Variants in PSAP observed in about 807,000 individuals in gnomAD.
PSAP encodes the protein prosaposin.
A neutral mutation model predicts 66.0 loss-of-function variants in PSAP; 25 were observed. The observed-to-expected ratio is 0.38, with a 90% CI of 0.28 to 0.53. The LOEUF (loss-of-function observed/expected upper bound fraction) is 0.53, where lower values mean the gene tolerates loss of function less well. Among genes scored for constraint, PSAP ranks in the 20% least tolerant of loss-of-function variants. PSAP has a pLI of 0.83. For missense variants in PSAP, 649 were observed against 668.8 expected (o/e 0.97, Z 0.33); for synonymous variants, 273 against 258.9 (o/e 1.05, Z -0.52).
In PSAP at chr10:71,821,748, C is replaced by T. The variant is rs1026685973; in HGVS notation, c.909+128G>A. ...GATAGGATAAACCAGTGATCACAAA[C>T]TCAAAGACCTTTAGGAGCCAGGCAG... On this transcript the variant is annotated intron_variant, in intron 8 of 13. Coordinates refer to ENST00000394936, the MANE Select transcript of PSAP (RefSeq NM_002778.4). 3.8e-6 allele frequency: 5 copies of T among 1,310,876 alleles called. No homozygotes were observed. In the African/African-American group the frequency reaches 5.8e-5, roughly 15 times the overall value. The allele number at this position is 1,310,876 out of a possible 1,614,324, so 81.2% of individuals were successfully genotyped here. A position where few individuals can be genotyped will look rare whatever the true frequency, so the allele number is the denominator to read the frequency against.
At chr10:71,841,077 C>G (rs1334593785) in intron 1 of PSAP, among the ~76,000 whole-genome samples, 1 of 152,222 alleles carries the variant, frequency 6.6e-6, no homozygotes, top group Non-Finnish European at 1.5e-5. Context: ...TAGCCCTTGG[C>G]AGGACTATCC....
intron 1 of PSAP, among the ~76,000 whole-genome samples, chr10:71,849,474 G>A (rs2133072635): frequency 6.6e-6 from 1 of 152,146 alleles, no homozygotes; most frequent in African/African-American, 2.4e-5. Context: ...GGTGTCTCAC[G>A]CCTGTAATCC....
intron 4 of PSAP, among the ~76,000 whole-genome samples, chr10:71,830,584 C>T (rs1842492703): frequency 6.6e-6 from 1 of 152,240 alleles, no homozygotes; most frequent in Non-Finnish European, 1.5e-5. Flanking sequence ...TTGGGAAAGT[C>T]CTGCCCCACT....
chr10:71,818,704 C>G lies in PSAP; in HGVS notation c.1452G>C (p.Ser484=). ...CAGTTCCCAACAAGGGCTTATGGGC[C>G]GAGGGGCAGGCTCCAATTTTCTATA... The part of the protein sequence containing the change: ...FVCLKIGACP[S]AHKPLLGTEK... Residue 484 remains serine (S), a synonymous_variant, in exon 13 of 14, where the codon TCG becomes TCC. Coordinates refer to ENST00000394936, the MANE Select transcript of PSAP (RefSeq NM_002778.4). The G allele has an allele frequency of 1.2e-6, 2 of 1,613,902 alleles. No homozygotes were observed. The highest frequency in any genetic ancestry group is 1.7e-6 in the Non-Finnish European group (2 of 1,179,962).
Position 71,846,319 on chromosome 10 carries a change from A to AT in PSAP, c.40+4862dup, listed in dbSNP as rs1731807753. Among the ~76,000 whole-genome samples the AT allele has an allele frequency of 3.3e-5, 5 of 150,552 alleles. No homozygotes were observed. In the South Asian group the frequency reaches 1.1e-3, roughly 32 times the overall value. ...ACAAAATTACAAATGCCACAAAGTT[A>AT]TTTTTTTGGAACTTCATGTAATAAA... On this transcript the variant is annotated intron_variant, in intron 1 of 13. Coordinates refer to ENST00000394936, the MANE Select transcript of PSAP (RefSeq NM_002778.4).
chr10:71,820,421 G>C, intron 8 of PSAP, 86 bp from the exon 9 acceptor site: 3 of 1,132,356 alleles, frequency 2.6e-6, no homozygotes, highest in Non-Finnish European at 4.0e-6. Context: ...GGGACACAGA[G>C]ACCAGGGTGG....
At chr10:71,848,291 T>TA (rs1437239439) in intron 1 of PSAP, among the ~76,000 whole-genome samples, 1 of 152,188 alleles carries the variant, frequency 6.6e-6, no homozygotes, top group Non-Finnish European at 1.5e-5. Flanking sequence ...GTTGTCTACT[T>TA]AATCGTCCAC....
rs1248063127 is a variant in PSAP, at chr10:71,816,887, AATCC to A, written c.*550_*553del. 1.6e-5 allele frequency: 3 copies of A among 192,330 alleles called. No homozygotes were observed. The highest frequency in any genetic ancestry group is 3.3e-5 in the Non-Finnish European group (3 of 89,902). 11.9% of individuals were successfully genotyped at this position (192,330 alleles called of 1,614,324 possible). ...CCAAGCCACCAGCAGCTGCTTCCAA[AATCC>A]CTATGCTATTACAGTGGGAATTACA... On this transcript the variant is annotated 3_prime_UTR_variant, in exon 14 of 14. Transcript: ENST00000394936.
chr10:71,818,813 G>A lies in PSAP; in HGVS notation c.1432-89C>T, dbSNP rs1842231454. 8 of 1,218,232 alleles carry A rather than the reference G, an allele frequency of 6.6e-6. No individual in the cohort carries two copies. In the Admixed American group the frequency reaches 8.5e-5, roughly 13 times the overall value. 75.5% of individuals were successfully genotyped at this position (1,218,232 alleles called of 1,614,324 possible). Reference sequence around the variant, plus strand: ...AAAACTAAGAAAACAGTTTCCAGAAGGAGCTAGGATCACAGCTCCACCACG... The same window carrying A: ...AAAACTAAGAAAACAGTTTCCAGAAAGAGCTAGGATCACAGCTCCACCACG... On this transcript the variant is annotated intron_variant, in intron 12 of 13. Coordinates refer to ENST00000394936, the MANE Select transcript of PSAP (RefSeq NM_002778.4).
At position 71,816,584 on chromosome 10, in the gene PSAP, G is replaced by T. The variant is rs1413823615; in HGVS notation, c.*857C>A. 4.7e-6 allele frequency: 2 copies of T among 424,230 alleles called. No individual in the cohort carries two copies. Among genetic ancestry groups the T allele is most frequent in the Non-Finnish European group, 1.0e-5 (2 of 198,638 alleles). 26.3% of individuals were successfully genotyped at this position (424,230 alleles called of 1,614,324 possible). ...TATTTATTTGAAAAGGTCAAAAGGA[G>T]CATCTATGAGACAAGGGAGGGGTGC... On this transcript the variant is annotated 3_prime_UTR_variant, in exon 14 of 14. Transcript: ENST00000394936.
intron 11 of PSAP, 35 bp from the exon 12 acceptor site, chr10:71,819,146 G>A (rs200151319): frequency 2.3e-5 from 36 of 1,577,408 alleles, no homozygotes; most frequent in Non-Finnish European, 3.1e-5. Context: ...GTCCAGCTCT[G>A]GGGGTGTCCG....
rs1043597238 is a variant in PSAP at position 71,837,353 on chromosome 10, G to A, written c.41-2848C>T. 4.6e-5 allele frequency among the ~76,000 whole-genome samples: 7 copies of A among 152,354 alleles called. No individual in the cohort carries two copies. In the South Asian group the frequency reaches 1.4e-3, roughly 32 times the overall value. ...CTGGGGAGCTCCCAGCCGCCAAGAGGTGCAAAGCCCACTCCCAGAGCAGAT... is the reference window on the plus strand; with the variant it reads ...CTGGGGAGCTCCCAGCCGCCAAGAGATGCAAAGCCCACTCCCAGAGCAGAT... On this transcript the variant is annotated intron_variant, in intron 1 of 13. Transcript: ENST00000394936.
At chr10:71,828,701 T>A (rs906677412) in intron 5 of PSAP, among the ~76,000 whole-genome samples, 176 bp downstream of exon 5, 4 of 152,158 alleles carry the variant, frequency 2.6e-5, no homozygotes, top group Admixed American at 6.5e-5. Context: ...ATTTTAAATA[T>A]CCCATTCTTT....
At chr10:71,837,306 G>GGGCA (rs1842644114) in intron 1 of PSAP, among the ~76,000 whole-genome samples, 1 of 152,224 alleles carries the variant, frequency 6.6e-6, no homozygotes, top group Non-Finnish European at 1.5e-5. Context: ...CGTGTCCTCA[G>GGGCA]GGCAGGCACC....
intron 7 of PSAP, among the ~76,000 whole-genome samples, chr10:71,822,958 T>C (rs995086808): frequency 1.1e-4 from 16 of 146,628 alleles, no homozygotes; most frequent in Non-Finnish European, 2.4e-4. Flanking sequence ...GAAAAATAAA[T>C]AAATAAATAA....
Position 71,828,969 on chromosome 10 carries a change from G to A in PSAP, c.484C>T (p.Leu162=). The A allele has an allele frequency of 6.2e-7, 1 of 1,614,206 alleles. No individual in the cohort carries two copies. The highest frequency in any genetic ancestry group is 2.2e-5 in the East Asian group (1 of 44,872). Residue 162 remains leucine (L), a synonymous_variant, in exon 5 of 14, where the codon CTG becomes TTG. Coordinates refer to ENST00000394936, the MANE Select transcript of PSAP (RefSeq NM_002778.4). Reference sequence around the variant, plus strand: ...GGGGCCACCACCTCAGTCATGTCCAGCTCTGGGATCTTATTGGACTCCAGC... The same window carrying A: ...GGGGCCACCACCTCAGTCATGTCCAACTCTGGGATCTTATTGGACTCCAGC... ...KQLESNKIPE[L]DMTEVVAPFM...
At chr10:71,825,736 T>TA in intron 7 of PSAP, 101 bp downstream of exon 7, 1 of 1,160,974 alleles carries the variant, frequency 8.6e-7, no homozygotes, top group South Asian at 1.3e-5. Context: ...CACTCTAAGG[T>TA]AAAAAAGGGA....
At chr10:71,840,722 G>A (rs904753574) in intron 1 of PSAP, among the ~76,000 whole-genome samples, 1 of 152,174 alleles carries the variant, frequency 6.6e-6, no homozygotes, top group Admixed American at 6.5e-5. Flanking sequence ...TTTCTTCCCT[G>A]CTTCTCCTCT....
In PSAP at chr10:71,851,216, G is replaced by T; in HGVS notation, c.6C>A (p.Tyr2Ter). The part of the protein sequence containing the change: M[Y>*]ALFLLASLLG... ...GGAGGCTGGCCAGGAGGAAGAGGGC[G>T]TACATAGCGCCGTCTGACTCCGCAG... The change falls in exon 1 of 14, where the codon TAC (tyrosine) becomes TAA (stop). Residue 2 changes from tyrosine to a stop codon, truncating the protein, a stop_gained. Coordinates refer to ENST00000394936, the MANE Select transcript of PSAP (RefSeq NM_002778.4). LOFTEE classifies it high-confidence loss of function. The T allele has an allele frequency of 1.3e-6, 2 of 1,551,128 alleles. No homozygotes were observed. Among genetic ancestry groups the T allele is most frequent in the Non-Finnish European group, 1.7e-6 (2 of 1,146,860 alleles).
Sources: allele counts gnomAD v4.1 joint callset (sites outside exome capture counted in the v4.1 genomes callset), GRCh38; gene constraint gnomAD v4.1.1; transcripts MANE v1.5; gene names NCBI Gene and HGNC (gene_info 2026-07-23, HGNC 2026-07-21).